CWF19L2: variants seen among roughly 807,000 people sequenced by gnomAD.
The protein encoded by CWF19L2 is CWF19-like protein 2.
In CWF19L2, 98 loss-of-function variants were observed where a neutral mutation model predicts 111.7. The observed-to-expected ratio is 0.88, with a 90% CI of 0.75 to 1.04. The LOEUF is 1.04. Ranked by LOEUF, CWF19L2 falls within the 50% of genes least tolerant of loss-of-function variation. CWF19L2 has a pLI of 0.00. For synonymous variants in CWF19L2, 351 were observed against 342.9 expected, an observed-to-expected ratio of 1.02 and a Z score of -0.26; for missense variants, 1,101 against 1,051.4, an observed-to-expected ratio of 1.05 and a Z score of -0.65.
intron 14 of CWF19L2, among the ~76,000 whole-genome samples, chr11:107,344,677 T>C (rs1330631928): frequency 6.6e-6 from 1 of 152,214 alleles, no homozygotes; most frequent in Non-Finnish European, 1.5e-5. Context: ...AAAATCTTTG[T>C]CAGATAATTA....
intron 12 of CWF19L2, among the ~76,000 whole-genome samples, chr11:107,361,669 T>C (rs1311683401): frequency 6.6e-6 from 1 of 152,232 alleles, no homozygotes; most frequent in Non-Finnish European, 1.5e-5. Flanking sequence ...GCTTTATACT[T>C]TTCCCTGTAG....
In CWF19L2 at chr11:107,351,865, G is replaced by A. The variant is rs374032214; in HGVS notation, c.2085+1659C>T. 2.0e-4 allele frequency among the ~76,000 whole-genome samples: 31 copies of A among 152,314 alleles called. No individual in the cohort carries two copies. In the East Asian group the frequency reaches 4.1e-3, roughly 20 times the overall value. On this transcript the variant is annotated intron_variant, in intron 13 of 17. Transcript: ENST00000282251. ...ACAAGCCTAGCTCCCATGTGAAGAA[G>A]CCTATGCTAGCCTACTGGAAGATAA...
Position 107,342,739 on chromosome 11 carries a change from A to G in CWF19L2, c.2203-6026T>C, listed in dbSNP as rs544549335. Among the ~76,000 whole-genome samples, 14 of 152,324 alleles carry G rather than the reference A, an allele frequency of 9.2e-5. No individual in the cohort carries two copies. The South Asian group carries it at 2.7e-3, about 29-fold the overall frequency. ...ACCTAACAACATTACCATATATGGC[A>G]TAAGAGACTTTTCAGATATAACTAA... On this transcript the variant is annotated intron_variant, in intron 14 of 17. Coordinates refer to ENST00000282251, the MANE Select transcript of CWF19L2 (RefSeq NM_152434.3).
intron 12 of CWF19L2, 120 bp downstream of exon 12, chr11:107,389,954 A>T: frequency 1.2e-6 from 1 of 836,332 alleles, no homozygotes; most frequent in South Asian, 1.8e-5. Context: ...CTTACAAAGG[A>T]TTTAATTTAA....
At chr11:107,338,351 T>A (rs1859957688) in intron 14 of CWF19L2, among the ~76,000 whole-genome samples, 1 of 152,218 alleles carries the variant, frequency 6.6e-6, no homozygotes, top group Non-Finnish European at 1.5e-5. Flanking sequence ...ATTTCAAGAA[T>A]GTTACATGAA....
intron 14 of CWF19L2, among the ~76,000 whole-genome samples, chr11:107,348,443 T>C (rs941294274): frequency 2.6e-5 from 4 of 152,040 alleles, no homozygotes; most frequent in Non-Finnish European, 4.4e-5. Context: ...TGGGCCAGAT[T>C]ATGAAGGAAA....
chr11:107,435,797 T>TA (rs903117753), intron 6 of CWF19L2, among the ~76,000 whole-genome samples: 5 of 151,550 alleles, frequency 3.3e-5, no homozygotes, highest in Non-Finnish European at 5.9e-5. Flanking sequence ...CAAAATTCAA[T>TA]AAAAAAAAAT....
chr11:107,362,861 G>C (rs938033818), intron 12 of CWF19L2, among the ~76,000 whole-genome samples: 3 of 151,742 alleles, frequency 2.0e-5, no homozygotes, highest in Non-Finnish European at 4.4e-5. Context: ...GGCTTCAGAC[G>C]ATCAAATTAC....
At chr11:107,447,516 C>T (rs145150897) in intron 3 of CWF19L2, among the ~76,000 whole-genome samples, 1 of 152,316 alleles carries the variant, frequency 6.6e-6, no homozygotes. Flanking sequence ...AAAGAAACCT[C>T]GCTGAACATC....
chr11:107,344,728 C>T (rs1003622557), intron 14 of CWF19L2, among the ~76,000 whole-genome samples: 4 of 152,038 alleles, frequency 2.6e-5, no homozygotes, highest in African/African-American at 9.7e-5. Flanking sequence ...TATTGATTAC[C>T]TTTTTCAACC....
At chr11:107,360,739 G>T (rs547969274) in intron 12 of CWF19L2, among the ~76,000 whole-genome samples, 1 of 152,160 alleles carries the variant, frequency 6.6e-6, no homozygotes, top group Admixed American at 6.5e-5. Flanking sequence ...GATGATTAGC[G>T]ATGTTGAACA....
intron 12 of CWF19L2, among the ~76,000 whole-genome samples, chr11:107,372,862 G>C (rs1470834119): frequency 6.1e-5 from 8 of 130,140 alleles, no homozygotes; most frequent in African/African-American, 2.3e-4. Context: ...CTGAGGTACC[G>C]GGTTCATCTC....
chr11:107,339,624 T>C (rs1332748888), intron 14 of CWF19L2, among the ~76,000 whole-genome samples: 1 of 151,990 alleles, frequency 6.6e-6, no homozygotes, highest in African/African-American at 2.4e-5. Context: ...TCTATTAATA[T>C]AGATCCTCTT....
chr11:107,454,642 GAAAA>G, intron 2 of CWF19L2, 70 bp from the exon 3 acceptor site: 3 of 1,073,288 alleles, frequency 2.8e-6, no homozygotes, highest in Non-Finnish European at 3.6e-6. Flanking sequence ...TATTCTGAGA[GAAAA>G]AAAATAAACC....
At position 107,401,519 on chromosome 11, in the gene CWF19L2, T is replaced by C. The variant is rs141875425; in HGVS notation, c.1618-8624A>G. Among the ~76,000 whole-genome samples, 26 of 152,080 alleles carry C rather than the reference T, an allele frequency of 1.7e-4. No homozygotes were observed. The East Asian group carries it at 4.6e-3, about 27-fold the overall frequency. ...AAAATAAAATACTTAGGAATATACC[T>C]AACAAAAGAGTCAAAAGGCCTCTAC... On this transcript the variant is annotated intron_variant, in intron 10 of 17. Transcript: ENST00000282251.
In CWF19L2 at chr11:107,369,290, C is replaced by G. The variant is rs1195256095; in HGVS notation, c.1873-15554G>C. Reference sequence around the variant, plus strand: ...TTGATGCTTTTATTATATTTCTTTTCTAAAACTGGATAACCAAATACATTA... The same window carrying G: ...TTGATGCTTTTATTATATTTCTTTTGTAAAACTGGATAACCAAATACATTA... On this transcript the variant is annotated intron_variant, in intron 12 of 17. Transcript: ENST00000282251. Among the ~76,000 whole-genome samples, 3 of 137,112 alleles carry G rather than the reference C, an allele frequency of 2.2e-5. 1 individual carries two copies. The highest frequency in any genetic ancestry group is 8.7e-5 in the African/African-American group (3 of 34,356). The allele number at this position is 137,112 out of a possible 152,430, so 90.0% of individuals were successfully genotyped here.
Position 107,439,150 on chromosome 11 carries a change from A to C in CWF19L2, c.604T>G (p.Trp202Gly). Residue 202 changes from tryptophan (W) to glycine (G), a missense_variant, in exon 6 of 18, where the codon TGG becomes GGG. Trp to Gly is a radical substitution (Grantham distance 184, BLOSUM62 -2). Transcript: ENST00000282251. ...GGAAGACCTGTCCCACCATCCTTCCAGTACGGATTCAATTCTCTTTCCATC... is the reference window on the plus strand; with the variant it reads ...GGAAGACCTGTCCCACCATCCTTCCCGTACGGATTCAATTCTCTTTCCATC... ...KLMERELNPY[W>G]KDGGTGLPPE... 6.2e-7 allele frequency: 1 copy of C among 1,610,262 alleles called. No homozygotes were observed. The highest frequency in any genetic ancestry group is 8.5e-7 in the Non-Finnish European group (1 of 1,177,714).
At chr11:107,401,079 G>T (rs1357984012) in intron 10 of CWF19L2, among the ~76,000 whole-genome samples, 1 of 152,006 alleles carries the variant, frequency 6.6e-6, no homozygotes, top group Non-Finnish European at 1.5e-5. Flanking sequence ...TGTAATAAAG[G>T]CCATCTATGA....
chr11:107,442,295 G>C (rs1861628942), intron 4 of CWF19L2, among the ~76,000 whole-genome samples: 1 of 152,142 alleles, frequency 6.6e-6, no homozygotes, highest in African/African-American at 2.4e-5. Flanking sequence ...AAAGTATATT[G>C]TTTTCAAAGT....
Sources: gnomAD v4.1 joint callset for allele counts (sites outside exome capture counted in the v4.1 genomes callset) on GRCh38, gnomAD v4.1.1 for gene constraint, MANE v1.5 for transcripts, NCBI Gene and HGNC (gene_info 2026-07-23, HGNC 2026-07-21) for gene names.